The following C1orf21 variants were observed in gnomAD, a reference collection of about 807,000 sequenced individuals.
The protein encoded by C1orf21 is chromosome 1 open reading frame 21, also known as uncharacterized protein C1orf21.
A neutral mutation model predicts 18.7 loss-of-function variants in C1orf21; 3 were observed. That is an observed-to-expected ratio of 0.16 (90% confidence interval 0.07 to 0.42). The LOEUF is 0.42. C1orf21 is among the 10% of genes least tolerant of loss of function. The pLI is 0.99. For missense variants in C1orf21, 104 were observed against 143.6 expected (o/e 0.72, Z 1.41); for synonymous variants, 41 against 46.4 (o/e 0.88, Z 0.47).
At chr1:184,397,387 C>A (rs1052164935) in intron 1 of C1orf21, among the ~76,000 whole-genome samples, 2 of 152,112 alleles carry the variant, frequency 1.3e-5, no homozygotes, top group Non-Finnish European at 2.9e-5. Context: ...GAGATCAAGA[C>A]CATCCTGGCT....
chr1:184,432,997 G>A (rs1656788760), intron 1 of C1orf21, among the ~76,000 whole-genome samples: 1 of 152,192 alleles, frequency 6.6e-6, no homozygotes, highest in Admixed American at 6.5e-5. Context: ...ATCCAAGTCA[G>A]ACCCAAGAGG....
At chr1:184,400,871 TG>T (rs1293871559) in intron 1 of C1orf21, among the ~76,000 whole-genome samples, 6 of 152,120 alleles carry the variant, frequency 3.9e-5, no homozygotes, top group Non-Finnish European at 8.8e-5. Context: ...GTGGGATCAC[TG>T]GGTCAAAGGA....
At chr1:184,494,530 T>C (rs868761339) in intron 2 of C1orf21, among the ~76,000 whole-genome samples, 1 of 152,030 alleles carries the variant, frequency 6.6e-6, no homozygotes, top group Non-Finnish European at 1.5e-5. Context: ...GAGGTATGAA[T>C]GGAGATAATG....
At position 184,507,616 on chromosome 1, in the gene C1orf21, G is replaced by A; in HGVS notation, c.123G>A (p.Glu41=). 6.2e-7 allele frequency: 1 copy of A among 1,606,814 alleles called. No homozygotes were observed. The change falls in exon 3 of 6, where the codon GAG becomes GAA. Residue 41 remains glutamate (E), a synonymous_variant. Transcript: ENST00000235307. The part of the protein sequence containing the change: ...GDEYRIKPVE[E]VKYMKNGAEE... ...AGTATAGGATCAAACCAGTGGAAGAGGTCAAATACATGAAAAATGGGGCAG... is the reference window on the plus strand; with the variant it reads ...AGTATAGGATCAAACCAGTGGAAGAAGTCAAATACATGAAAAATGGGGCAG...
chr1:184,505,688 G>A (rs1335165962), intron 2 of C1orf21, among the ~76,000 whole-genome samples: 4 of 149,602 alleles, frequency 2.7e-5, no homozygotes, highest in Admixed American at 2.0e-4. Context: ...GCTTGAACCC[G>A]GGAGGCGGAG....
At chr1:184,535,282 T>C (rs966392668) in intron 3 of C1orf21, among the ~76,000 whole-genome samples, 2 of 152,192 alleles carry the variant, frequency 1.3e-5, no homozygotes, top group Non-Finnish European at 2.9e-5. Context: ...CTTTGCATTC[T>C]GATGGTTTTA....
chr1:184,565,102 T>C (rs538556255), intron 3 of C1orf21, among the ~76,000 whole-genome samples: 1 of 152,326 alleles, frequency 6.6e-6, no homozygotes, highest in South Asian at 2.1e-4. Context: ...TCAAACCTCA[T>C]GATGTTAGAA....
chr1:184,441,623 G>A (rs988575928), intron 1 of C1orf21, among the ~76,000 whole-genome samples: 8 of 152,198 alleles, frequency 5.3e-5, no homozygotes, highest in African/African-American at 1.9e-4. Context: ...AGTGCCTTGA[G>A]ATAAGTTGTG....
At chr1:184,605,537 C>T (rs1246371393) in intron 5 of C1orf21, among the ~76,000 whole-genome samples, 2 of 152,128 alleles carry the variant, frequency 1.3e-5, no homozygotes, top group Admixed American at 6.5e-5. Context: ...CTAGAGTAGA[C>T]ATCTCTACTT....
chr1:184,443,405 C>G (rs954102631), intron 1 of C1orf21, among the ~76,000 whole-genome samples: 2 of 152,096 alleles, frequency 1.3e-5, no homozygotes, highest in Non-Finnish European at 2.9e-5. Context: ...ATTTTATATT[C>G]CACCGGCTAA....
chr1:184,446,290 GT>G (rs1312786176), intron 1 of C1orf21, among the ~76,000 whole-genome samples: 3 of 151,858 alleles, frequency 2.0e-5, no homozygotes, highest in Admixed American at 1.3e-4. Context: ...TCTCCTCACT[GT>G]CTACTATATT....
chr1:184,591,648 T>C (rs532709233), intron 4 of C1orf21, among the ~76,000 whole-genome samples: 13 of 151,934 alleles, frequency 8.6e-5, no homozygotes, highest in African/African-American at 3.1e-4. Flanking sequence ...CTACTAAAAA[T>C]ACAAAAACTT....
intron 3 of C1orf21, among the ~76,000 whole-genome samples, chr1:184,587,795 C>G (rs1191772270): frequency 6.6e-6 from 1 of 151,190 alleles, no homozygotes; most frequent in Non-Finnish European, 1.5e-5. Context: ...TTTATATTTT[C>G]GTAGAGATGG....
intron 1 of C1orf21, among the ~76,000 whole-genome samples, chr1:184,423,087 A>T (rs1232893627): frequency 1.3e-5 from 2 of 152,204 alleles, no homozygotes; most frequent in Non-Finnish European, 2.9e-5. Flanking sequence ...ATGAGTTGTT[A>T]TAAAGAGCCA....
chr1:184,591,733 G>A (rs1659440794), intron 4 of C1orf21, among the ~76,000 whole-genome samples: 1 of 151,990 alleles, frequency 6.6e-6, no homozygotes, highest in African/African-American at 2.4e-5. Context: ...GTGAACCCTG[G>A]AGGTGGAGCT....
At chr1:184,466,314 A>T (rs1417867707) in intron 1 of C1orf21, among the ~76,000 whole-genome samples, 1 of 151,966 alleles carries the variant, frequency 6.6e-6, no homozygotes, top group South Asian at 2.1e-4. Context: ...CGGTCTAAAG[A>T]CTCTTCAGTC....
chr1:184,477,363 A>T, intron 1 of C1orf21, 23 bp from the exon 2 acceptor site: 1 of 626,078 alleles, frequency 1.6e-6, no homozygotes, highest in Non-Finnish European at 2.8e-6. Flanking sequence ...TGCCCATTCT[A>T]ATCTAGCTTT....
intron 3 of C1orf21, among the ~76,000 whole-genome samples, chr1:184,557,753 G>A (rs12079052): frequency 0.045 from 6,779 of 152,204 alleles, 491 homozygotes; most frequent in African/African-American, 0.15. Context: ...CATTTAGGAA[G>A]TACTTAGATT....
At chr1:184,566,700 CAAAAAA>C in intron 3 of C1orf21, 1 of 378,538 alleles carries the variant, frequency 2.6e-6, no homozygotes, top group Non-Finnish European at 5.3e-6. Context: ...TCAAAAAGGA[CAAAAAA>C]GTCAGAAGAA....
Sources: gnomAD v4.1 joint callset for allele counts (sites outside exome capture counted in the v4.1 genomes callset) on GRCh38, gnomAD v4.1.1 for gene constraint, MANE v1.5 for transcripts, NCBI Gene and HGNC (gene_info 2026-07-23, HGNC 2026-07-21) for gene names.